Variants in SAMD12 observed in about 807,000 individuals in gnomAD.
SAMD12 encodes sterile alpha motif domain containing 12.
Under a neutral mutation model 15.0 loss-of-function variants are expected in SAMD12, and 9 were observed. That is an observed-to-expected ratio of 0.60 (90% CI 0.36 to 1.05). SAMD12 has a LOEUF of 1.05. SAMD12 is among the 50% of genes least tolerant of loss of function. The pLI is 0.01. For synonymous variants in SAMD12, 86 were observed against 90.1 expected (o/e 0.96, Z 0.25); for missense variants, 230 against 234.2 (o/e 0.98, Z 0.12).
intron 4 of SAMD12, among the ~76,000 whole-genome samples, chr8:118,357,362 T>TAAA (rs1563791155): frequency 6.6e-6 from 1 of 152,124 alleles, no homozygotes; most frequent in Admixed American, 6.5e-5. Context: ...CTCAGCCTCC[T>TAAA]GAGTAGCTGG....
chr8:118,550,844 C>A (rs1826308022), intron 2 of SAMD12, among the ~76,000 whole-genome samples: 1 of 150,728 alleles, frequency 6.6e-6, no homozygotes, highest in African/African-American at 2.5e-5. Context: ...ATCTACCAAG[C>A]AAATGGAAAA....
At chr8:118,461,919 A>G (rs559954458) in intron 2 of SAMD12, among the ~76,000 whole-genome samples, 1 of 152,324 alleles carries the variant, frequency 6.6e-6, no homozygotes, top group East Asian at 1.9e-4. Context: ...AGGCCTCTAT[A>G]CTGTAGAAAC....
chr8:118,578,353 AG>A (rs1827202024), intron 2 of SAMD12, among the ~76,000 whole-genome samples: 1 of 152,204 alleles, frequency 6.6e-6, no homozygotes, highest in South Asian at 2.1e-4. Context: ...TTATTTCCTT[AG>A]GTAAGTTCCT....
At chr8:118,186,555 A>ATT (rs5894417), downstream of SAMD12, among the ~76,000 whole-genome samples, 6,719 of 146,694 alleles carry the variant, frequency 0.046, 207 homozygotes, top group South Asian at 0.085. Context: ...GTTACCCTCC[A>ATT]TTTTTTTTTT....
the SAMD12 span, among the ~76,000 whole-genome samples, chr8:118,152,458 A>T: frequency 1.0e-3 from 114 of 114,284 alleles, no homozygotes; most frequent in East Asian, 6.5e-3. Flanking sequence ...CTCCCTCCCT[A>T]CCTTCCTTCC....
At chr8:118,243,918 T>C (rs939996589) in intron 4 of SAMD12, among the ~76,000 whole-genome samples, 18 of 152,274 alleles carry the variant, frequency 1.2e-4, no homozygotes, top group Middle Eastern at 3.4e-3. Context: ...TTTTCTTTCA[T>C]TGGCTCCCAC....
intron 1 of SAMD12, among the ~76,000 whole-genome samples, chr8:118,581,371 A>G (rs1827292775): frequency 6.6e-6 from 1 of 152,208 alleles, no homozygotes; most frequent in Non-Finnish European, 1.5e-5. Flanking sequence ...AGCACTTACT[A>G]TGTGCCATCC....
chr8:118,156,547 A>G, the SAMD12 span, among the ~76,000 whole-genome samples: 1 of 152,186 alleles, frequency 6.6e-6, no homozygotes, highest in Non-Finnish European at 1.5e-5. Flanking sequence ...CTTTGTACTC[A>G]GTATGTTTTA....
chr8:118,555,017 T>C (rs895760199), intron 2 of SAMD12, among the ~76,000 whole-genome samples: 1 of 152,138 alleles, frequency 6.6e-6, no homozygotes, highest in Non-Finnish European at 1.5e-5. Flanking sequence ...GTTTGTGCAT[T>C]TGGGAGAAAG....
intron 2 of SAMD12, among the ~76,000 whole-genome samples, chr8:118,524,679 T>C (rs1396626817): frequency 1.1e-4 from 16 of 152,196 alleles, no homozygotes; most frequent in Admixed American, 1.0e-3. Flanking sequence ...ATATCCATTA[T>C]CACACAACAA....
At chr8:118,227,782 A>C (rs1312903354) in intron 4 of SAMD12, among the ~76,000 whole-genome samples, 2 of 152,198 alleles carry the variant, frequency 1.3e-5, no homozygotes, top group Non-Finnish European at 2.9e-5. Flanking sequence ...CCTTAAGAGA[A>C]AGCGAAGTGA....
At chr8:118,609,378 T>C (rs1828053728) in intron 1 of SAMD12, among the ~76,000 whole-genome samples, 1 of 152,230 alleles carries the variant, frequency 6.6e-6, no homozygotes, top group East Asian at 1.9e-4. Context: ...TACTATCATC[T>C]GTAGTCAAAT....
At chr8:118,139,728 A>G in the SAMD12 span, among the ~76,000 whole-genome samples, 3 of 152,192 alleles carry the variant, frequency 2.0e-5, no homozygotes, top group African/African-American at 7.2e-5. Flanking sequence ...TCTGGCTACA[A>G]TAATAAAGAT....
chr8:118,477,173 C>T (rs1823985107), intron 2 of SAMD12, among the ~76,000 whole-genome samples: 1 of 151,746 alleles, frequency 6.6e-6, no homozygotes, highest in Non-Finnish European at 1.5e-5. Flanking sequence ...TCAAGCAATT[C>T]TCATGCCTCA....
At chr8:118,590,127 AT>A in intron 1 of SAMD12, among the ~76,000 whole-genome samples, 1 of 152,232 alleles carries the variant, frequency 6.6e-6, no homozygotes, top group Non-Finnish European at 1.5e-5. Flanking sequence ...CAGAAAAAAA[AT>A]AATATACAAG....
At chr8:118,516,403 A>T (rs1369779296) in intron 2 of SAMD12, among the ~76,000 whole-genome samples, 2 of 152,196 alleles carry the variant, frequency 1.3e-5, no homozygotes, top group Non-Finnish European at 2.9e-5. Context: ...TAATGTTTAC[A>T]ATGTTCATAT....
chr8:118,487,514 T>C (rs921393910), intron 2 of SAMD12, among the ~76,000 whole-genome samples: 4 of 152,180 alleles, frequency 2.6e-5, no homozygotes, highest in Non-Finnish European at 5.9e-5. Context: ...AACATAGCGG[T>C]TTAGCAAAAA....
At chr8:118,564,886 C>A (rs2131219698) in intron 2 of SAMD12, among the ~76,000 whole-genome samples, 1 of 152,256 alleles carries the variant, frequency 6.6e-6, no homozygotes, top group South Asian at 2.1e-4. Context: ...TTGGGCTCTG[C>A]CATCTTAACA....
chr8:118,329,660 C>T (rs982122826), intron 4 of SAMD12, among the ~76,000 whole-genome samples: 2 of 152,182 alleles, frequency 1.3e-5, no homozygotes, highest in East Asian at 1.9e-4. Flanking sequence ...TGTACTGCGT[C>T]GCTTTGCCTG....
Sources: gnomAD v4.1 joint callset for allele counts (sites outside exome capture counted in the v4.1 genomes callset) on GRCh38, gnomAD v4.1.1 for gene constraint, MANE v1.5 for transcripts, NCBI Gene and HGNC (gene_info 2026-07-23, HGNC 2026-07-21) for gene names.